Variants in GMDS observed in about 807,000 individuals in gnomAD.
GMDS encodes the protein GDP-mannose 4,6-dehydratase.
Under a neutral mutation model 49.9 loss-of-function variants are expected in GMDS, and 20 were observed. That is an observed-to-expected ratio of 0.40 (90% CI 0.28 to 0.58). The LOEUF (loss-of-function observed/expected upper bound fraction) is 0.58. Ranked by LOEUF, GMDS falls within the 20% of genes least tolerant of loss-of-function variation. The pLI, the probability that GMDS is intolerant of heterozygous loss-of-function variation, is 0.42. For synonymous variants in GMDS, 177 were observed against 178.6 expected, an observed-to-expected ratio of 0.99 and a Z score of 0.07; for missense variants, 362 against 481.4, an observed-to-expected ratio of 0.75 and a Z score of 2.32.
chr6:1,746,019 C>T (rs1043454880), intron 7 of GMDS, among the ~76,000 whole-genome samples: 5 of 152,210 alleles, frequency 3.3e-5, no homozygotes, highest in Non-Finnish European at 5.9e-5. Flanking sequence ...CCTTATACAG[C>T]TGCACACGTT....
At chr6:1,788,251 G>A (rs1264873544) in intron 7 of GMDS, among the ~76,000 whole-genome samples, 2 of 152,204 alleles carry the variant, frequency 1.3e-5, no homozygotes, top group Non-Finnish European at 2.9e-5. Flanking sequence ...GAACAGGCAG[G>A]CTTAAAGAAT....
chr6:1,958,018 C>T (rs1356629448), intron 6 of GMDS, among the ~76,000 whole-genome samples: 3 of 151,768 alleles, frequency 2.0e-5, no homozygotes, highest in African/African-American at 7.3e-5. Flanking sequence ...GTTGCCCAGG[C>T]TGGTCCCAAA....
intron 9 of GMDS, among the ~76,000 whole-genome samples, chr6:1,642,153 CTT>C (rs543577735): frequency 0.25 from 27,173 of 110,586 alleles, 3,054 homozygotes; most frequent in Admixed American, 0.32. Flanking sequence ...CAGTTTCCAT[CTT>C]TTTTTTTTTT....
At chr6:2,043,428 A>C (rs1470928960) in intron 4 of GMDS, 1 of 152,358 alleles carries the variant, frequency 6.6e-6, no homozygotes, top group Non-Finnish European at 1.5e-5. Flanking sequence ...AAGCCAGAGC[A>C]CTGGGAGCCA....
intron 9 of GMDS, among the ~76,000 whole-genome samples, chr6:1,720,632 G>A (rs1036280827): frequency 1.3e-5 from 2 of 152,148 alleles, no homozygotes; most frequent in Admixed American, 6.5e-5. Context: ...AAATGGGAAG[G>A]GACCTTACAG....
chr6:1,990,512 T>C (rs978791556), intron 4 of GMDS, among the ~76,000 whole-genome samples: 2 of 152,232 alleles, frequency 1.3e-5, no homozygotes, highest in Non-Finnish European at 2.9e-5. Context: ...AATTAACCTG[T>C]ATTCTTACTA....
chr6:1,999,954 G>GTATATTATATA (rs1766586654), intron 4 of GMDS, among the ~76,000 whole-genome samples: 6 of 12,270 alleles, frequency 4.9e-4, no homozygotes, highest in African/African-American at 1.0e-3. Flanking sequence ...TATATAATAT[G>GTATATTATATA]TATATTATAT....
intron 7 of GMDS, among the ~76,000 whole-genome samples, chr6:1,790,100 CAG>C (rs1769476991): frequency 6.6e-6 from 1 of 152,124 alleles, no homozygotes; most frequent in South Asian, 2.1e-4. Context: ...CTCACATTTT[CAG>C]AGTCATCCCG....
At chr6:2,065,082 A>C (rs9503088) in intron 4 of GMDS, among the ~76,000 whole-genome samples, 127 of 152,028 alleles carry the variant, frequency 8.4e-4, no homozygotes, top group Non-Finnish European at 1.3e-3. Flanking sequence ...ATCTGAGGAC[A>C]GGCAGACTGC....
chr6:2,151,911 A>G (rs922886839), intron 1 of GMDS, among the ~76,000 whole-genome samples: 1 of 152,120 alleles, frequency 6.6e-6, no homozygotes, highest in African/African-American at 2.4e-5. Flanking sequence ...TTTTAAATGT[A>G]CCCCTTAAAA....
intron 9 of GMDS, among the ~76,000 whole-genome samples, chr6:1,683,275 C>A (rs933283941): frequency 6.6e-6 from 1 of 152,190 alleles, no homozygotes; most frequent in Non-Finnish European, 1.5e-5. Context: ...AGGCGCCCGC[C>A]ACCACGCCCG....
intron 7 of GMDS, among the ~76,000 whole-genome samples, chr6:1,843,085 G>A (rs1461919687): frequency 6.8e-6 from 1 of 148,018 alleles, no homozygotes; most frequent in Non-Finnish European, 1.5e-5. Context: ...TCTCCAGCCT[G>A]AGCAACAGAG....
intron 4 of GMDS, among the ~76,000 whole-genome samples, chr6:2,021,244 G>A (rs1277808098): frequency 6.6e-6 from 1 of 152,118 alleles, no homozygotes; most frequent in Non-Finnish European, 1.5e-5. Flanking sequence ...GCTATTTTCT[G>A]GTCTATTTAT....
chr6:1,923,075 C>T (rs1761805660), intron 7 of GMDS, among the ~76,000 whole-genome samples: 1 of 152,188 alleles, frequency 6.6e-6, no homozygotes, highest in South Asian at 2.1e-4. Flanking sequence ...TAAGACGTGC[C>T]TTTCGCCTTC....
chr6:1,879,505 G>A (rs1310091874), intron 7 of GMDS, among the ~76,000 whole-genome samples: 1 of 151,812 alleles, frequency 6.6e-6, no homozygotes, highest in African/African-American at 2.4e-5. Flanking sequence ...AGCCAATATA[G>A]GCATTTTTAT....
chr6:1,827,340 T>C (rs1337006130), intron 7 of GMDS, among the ~76,000 whole-genome samples: 1 of 147,058 alleles, frequency 6.8e-6, no homozygotes, highest in African/African-American at 2.6e-5. Flanking sequence ...AAAACCTGTA[T>C]ATACACACGT....
intron 4 of GMDS, among the ~76,000 whole-genome samples, chr6:2,099,171 G>A (rs1367016645): frequency 6.6e-6 from 1 of 151,834 alleles, no homozygotes; most frequent in Non-Finnish European, 1.5e-5. Flanking sequence ...GGCCAATAAT[G>A]GTCTATTATT....
At chr6:1,804,339 C>A (rs756267596) in intron 7 of GMDS, among the ~76,000 whole-genome samples, 7 of 152,258 alleles carry the variant, frequency 4.6e-5, no homozygotes, top group Non-Finnish European at 8.8e-5. Context: ...ATGCATTTCC[C>A]GTCAGTCTGA....
intron 9 of GMDS, among the ~76,000 whole-genome samples, chr6:1,694,126 C>G (rs1303512168): frequency 6.6e-6 from 1 of 152,192 alleles, no homozygotes; most frequent in Non-Finnish European, 1.5e-5. Context: ...ACATAATTCT[C>G]TGATGACTTG....
Sources: gnomAD v4.1 joint callset for allele counts (sites outside exome capture counted in the v4.1 genomes callset) on GRCh38, gnomAD v4.1.1 for gene constraint, MANE v1.5 for transcripts, NCBI Gene and HGNC (gene_info 2026-07-23, HGNC 2026-07-21) for gene names.